The following FSTL4 variants were observed in gnomAD, a reference collection of about 807,000 sequenced individuals.
FSTL4 encodes the protein follistatin like 4.
Under a neutral mutation model 78.2 loss-of-function variants are expected in FSTL4, and 28 were observed. The observed-to-expected ratio is 0.36, with a 90% CI of 0.27 to 0.49. FSTL4 has a LOEUF of 0.49. FSTL4 is among the 20% of genes least tolerant of loss of function. The probability of loss-of-function intolerance (pLI) is 0.98; values close to 1 mark genes in which losing one functional copy is unlikely to be tolerated. For missense variants in FSTL4, 922 were observed against 1,084.9 expected (o/e 0.85, Z 2.11); for synonymous variants, 422 against 440.5 (o/e 0.96, Z 0.53).
intron 3 of FSTL4, among the ~76,000 whole-genome samples, chr5:133,401,399 T>C (rs574628782): frequency 3.9e-5 from 6 of 152,342 alleles, no homozygotes; most frequent in Admixed American, 6.5e-5. Context: ...CCACTACTGC[T>C]CCCAGGCTCA....
intron 2 of FSTL4, among the ~76,000 whole-genome samples, chr5:133,580,619 G>A (rs1390898806): frequency 6.6e-6 from 1 of 152,212 alleles, no homozygotes; most frequent in Non-Finnish European, 1.5e-5. Flanking sequence ...GTGACATCAG[G>A]CGGTCAGGCC....
chr5:133,254,275 T>A (rs1752331159), intron 6 of FSTL4, among the ~76,000 whole-genome samples: 1 of 152,224 alleles, frequency 6.6e-6, no homozygotes, highest in Non-Finnish European at 1.5e-5. Context: ...CACACTCACA[T>A]TGTTTCTGTA....
intron 3 of FSTL4, among the ~76,000 whole-genome samples, chr5:133,456,799 G>A (rs186127151): frequency 6.6e-6 from 1 of 152,296 alleles, no homozygotes; most frequent in Non-Finnish European, 1.5e-5. Context: ...ATAGGAACGA[G>A]CCCCCAACTA....
At chr5:133,632,097 G>GT in the FSTL4 span, among the ~76,000 whole-genome samples, 37 of 152,226 alleles carry the variant, frequency 2.4e-4, no homozygotes, top group African/African-American at 8.9e-4. Flanking sequence ...GTATACCTAT[G>GT]TAACAAACCT....
chr5:133,590,684 C>T (rs1055103810), intron 2 of FSTL4, among the ~76,000 whole-genome samples: 1 of 152,152 alleles, frequency 6.6e-6, no homozygotes, highest in Non-Finnish European at 1.5e-5. Flanking sequence ...AAAGCCTGCT[C>T]CCCTTTAGTG....
At chr5:133,410,948 C>T (rs1756466366) in intron 3 of FSTL4, among the ~76,000 whole-genome samples, 1 of 152,204 alleles carries the variant, frequency 6.6e-6, no homozygotes, top group Non-Finnish European at 1.5e-5. Flanking sequence ...TCAACCGAGC[C>T]AAGCAGTGGC....
chr5:133,588,216 T>C (rs1219895560), intron 2 of FSTL4, among the ~76,000 whole-genome samples: 1 of 116,234 alleles, frequency 8.6e-6, no homozygotes, highest in African/African-American at 2.8e-5. Context: ...TTTCAGGACA[T>C]AGGCGTGGGC....
At chr5:133,508,128 C>T (rs1490535516) in intron 3 of FSTL4, among the ~76,000 whole-genome samples, 1 of 152,198 alleles carries the variant, frequency 6.6e-6, no homozygotes, top group Non-Finnish European at 1.5e-5. Flanking sequence ...CTTTGCACCT[C>T]ACTTTCCTCA....
At chr5:133,565,998 C>T (rs1169822406) in intron 3 of FSTL4, among the ~76,000 whole-genome samples, 1 of 152,220 alleles carries the variant, frequency 6.6e-6, no homozygotes, top group East Asian at 1.9e-4. Context: ...CTTCCCAGCT[C>T]CATCAACCTT....
chr5:133,473,323 G>A (rs1157520871), intron 3 of FSTL4, among the ~76,000 whole-genome samples: 1 of 152,220 alleles, frequency 6.6e-6, no homozygotes, highest in African/African-American at 2.4e-5. Flanking sequence ...CTGGTCTGCA[G>A]TATCAGCGAC....
the FSTL4 span, among the ~76,000 whole-genome samples, chr5:133,658,271 G>A: frequency 6.6e-6 from 1 of 152,018 alleles, no homozygotes; most frequent in Non-Finnish European, 1.5e-5. Flanking sequence ...TTAGGATCAG[G>A]TTTATACTAA....
At chr5:133,490,296 A>G (rs1345961998) in intron 3 of FSTL4, among the ~76,000 whole-genome samples, 1 of 152,184 alleles carries the variant, frequency 6.6e-6, no homozygotes, top group African/African-American at 2.4e-5. Flanking sequence ...GAATTAAAAC[A>G]TAATTCACAT....
intron 6 of FSTL4, among the ~76,000 whole-genome samples, chr5:133,254,651 A>G (rs2126828109): frequency 6.6e-6 from 1 of 152,348 alleles, no homozygotes; most frequent in Non-Finnish European, 1.5e-5. Context: ...AGATAGCCGC[A>G]GTCATACAGT....
chr5:133,674,969 T>C, the FSTL4 span, among the ~76,000 whole-genome samples: 1 of 152,202 alleles, frequency 6.6e-6, no homozygotes, highest in African/African-American at 2.4e-5. Context: ...TTGCAGTGAA[T>C]AAGTGCTCGT....
the FSTL4 span, among the ~76,000 whole-genome samples, chr5:133,814,007 C>T: frequency 6.6e-6 from 1 of 152,216 alleles, no homozygotes; most frequent in Non-Finnish European, 1.5e-5. Context: ...CCCCTGACTC[C>T]TACAACTCGC....
chr5:133,305,526 T>C (rs1753637786), intron 6 of FSTL4, among the ~76,000 whole-genome samples: 1 of 152,174 alleles, frequency 6.6e-6, no homozygotes, highest in South Asian at 2.1e-4. Flanking sequence ...TCCTGACCTC[T>C]TGGGACAGTT....
the FSTL4 span, among the ~76,000 whole-genome samples, chr5:133,825,324 C>A: frequency 6.6e-6 from 1 of 152,188 alleles, no homozygotes; most frequent in Non-Finnish European, 1.5e-5. Context: ...TTCAGGTGGG[C>A]ACCAAACTTT....
At chr5:133,561,049 A>G (rs1177139018) in intron 3 of FSTL4, among the ~76,000 whole-genome samples, 1 of 150,870 alleles carries the variant, frequency 6.6e-6, no homozygotes, top group Non-Finnish European at 1.5e-5. Flanking sequence ...AGATCGCACC[A>G]CTGCACTCCA....
At chr5:133,356,108 C>A (rs1029727050) in intron 4 of FSTL4, among the ~76,000 whole-genome samples, 26 of 152,370 alleles carry the variant, frequency 1.7e-4, no homozygotes, top group African/African-American at 3.8e-4. Flanking sequence ...GCTAAGGGGG[C>A]TGTGCTGTAA....
Sources: allele counts gnomAD v4.1 joint callset (sites outside exome capture counted in the v4.1 genomes callset), GRCh38; gene constraint gnomAD v4.1.1; transcripts MANE v1.5; gene names NCBI Gene and HGNC (gene_info 2026-07-23, HGNC 2026-07-21).